NAV3: variants seen among roughly 807,000 people sequenced by gnomAD.
NAV3 encodes pore membrane and/or filament interacting like protein 1.
NAV3 carries 87 observed loss-of-function variants against 244.7 expected under a neutral mutation model. The ratio of observed to expected loss-of-function variants is 0.36; its 90% CI spans 0.30 to 0.42. NAV3 has a LOEUF of 0.42. Among genes scored for constraint, NAV3 ranks in the 20% least tolerant of loss-of-function variants. NAV3 has a pLI of 1.00. For synonymous variants in NAV3, 1,126 were observed against 1,042.2 expected (o/e 1.08, Z -1.55); for missense variants, 2,663 against 2,893.3 (o/e 0.92, Z 1.83).
intron 1 of NAV3, among the ~76,000 whole-genome samples, chr12:77,932,442 C>T (rs370044560): frequency 6.6e-6 from 1 of 152,144 alleles, no homozygotes; most frequent in Non-Finnish European, 1.5e-5. Flanking sequence ...GGTCCATCTT[C>T]CTTTACTACT....
At chr12:77,723,755 CTTTTTTTTT>C (rs34518266) in intron 2 of NAV3, among the ~76,000 whole-genome samples, 3 of 67,654 alleles carry the variant, frequency 4.4e-5, no homozygotes, top group Non-Finnish European at 7.8e-5. Context: ...GCAATCTTGA[CTTTTTTTTT>C]TTTTTTTTTT....
At chr12:78,174,684 G>C (rs900537818) in intron 24 of NAV3, among the ~76,000 whole-genome samples, 7 of 151,914 alleles carry the variant, frequency 4.6e-5, no homozygotes, top group African/African-American at 7.2e-5. Context: ...TATGTCCTCT[G>C]TTTAACTCAC....
At chr12:78,194,435 A>C (rs1293579641) in intron 34 of NAV3, among the ~76,000 whole-genome samples, 1 of 152,008 alleles carries the variant, frequency 6.6e-6, no homozygotes, top group African/African-American at 2.4e-5. Flanking sequence ...ATATCTTTTC[A>C]TAATTAAAAT....
intron 2 of NAV3, among the ~76,000 whole-genome samples, chr12:77,712,403 C>G (rs533713995): frequency 7.2e-5 from 11 of 152,104 alleles, no homozygotes; most frequent in Non-Finnish European, 7.4e-5. Flanking sequence ...CACATGGGCT[C>G]TCTCTATGGT....
intron 2 of NAV3, among the ~76,000 whole-genome samples, chr12:77,686,210 A>G (rs1362345622): frequency 6.6e-6 from 1 of 152,128 alleles, no homozygotes; most frequent in Non-Finnish European, 1.5e-5. Flanking sequence ...CTCCTGCCTC[A>G]GCCTCTTGAG....
At chr12:77,703,753 A>C (rs1292263805) in intron 2 of NAV3, among the ~76,000 whole-genome samples, 1 of 152,170 alleles carries the variant, frequency 6.6e-6, no homozygotes, top group East Asian at 1.9e-4. Flanking sequence ...CCACAAAATT[A>C]AATTCTGTGA....
chr12:77,899,252 G>A (rs1033405276), intron 1 of NAV3, among the ~76,000 whole-genome samples: 1 of 152,180 alleles, frequency 6.6e-6, no homozygotes, highest in African/African-American at 2.4e-5. Context: ...TGAAAGGATT[G>A]GGTCTAATTT....
intron 2 of NAV3, among the ~76,000 whole-genome samples, chr12:77,752,037 G>A (rs1179783269): frequency 1.3e-5 from 2 of 152,114 alleles, no homozygotes; most frequent in East Asian, 1.9e-4. Flanking sequence ...TAAAGAATGG[G>A]TGTCAGCTTC....
rs555444431 is a variant in NAV3 at position 77,672,448 on chromosome 12, G to A, written c.72+100182G>A. ...CTATATGAAAAGGATACTTGCACAC[G>A]CATGCTTACAGCAGCACAACTTGCA... On this transcript the variant is annotated intron_variant, in intron 2 of 8. Transcript: ENST00000550042. Among the ~76,000 whole-genome samples, 6 of 152,156 alleles carry A rather than the reference G, an allele frequency of 3.9e-5. No homozygotes were observed. The East Asian group carries it at 7.7e-4, about 20-fold the overall frequency.
chr12:77,809,258 C>G (rs961437623), intron 2 of NAV3, among the ~76,000 whole-genome samples: 2 of 152,216 alleles, frequency 1.3e-5, no homozygotes, highest in Admixed American at 6.5e-5. Context: ...TCTGCCCAAA[C>G]AGCCACCCAG....
At position 78,117,966 on chromosome 12, in the gene NAV3, C is replaced by T. The variant is rs2138558430; in HGVS notation, c.2770-61C>T. 2.8e-6 allele frequency: 4 copies of T among 1,436,138 alleles called. No individual in the cohort carries two copies. In the South Asian group the frequency reaches 6.3e-5, roughly 22 times the overall value. 89.0% of individuals were successfully genotyped at this position (1,436,138 alleles called of 1,614,324 possible). A position where few individuals can be genotyped will look rare whatever the true frequency, so the allele number is the denominator to read the frequency against. On this transcript the variant is annotated intron_variant, in intron 13 of 39. Transcript: ENST00000397909. ...GTTATCTGAAAGTACATTTCATTGC[C>T]TTAATTCATACTTTATAAATTTTTC...
intron 38 of NAV3, among the ~76,000 whole-genome samples, 171 bp from the exon 39 acceptor site, chr12:78,204,764 A>AT (rs2140083571): frequency 6.6e-6 from 1 of 152,300 alleles, no homozygotes; most frequent in Non-Finnish European, 1.5e-5. Flanking sequence ...AAAGTGAGCT[A>AT]TGTAGACAGA....
At chr12:77,943,988 T>A (rs1890102959) in intron 3 of NAV3, among the ~76,000 whole-genome samples, 1 of 152,212 alleles carries the variant, frequency 6.6e-6, no homozygotes, top group Non-Finnish European at 1.5e-5. Flanking sequence ...ATGTAATCAA[T>A]ATTTACTAAG....
At chr12:77,718,818 TA>T (rs1876482370) in intron 2 of NAV3, among the ~76,000 whole-genome samples, 1 of 151,842 alleles carries the variant, frequency 6.6e-6, no homozygotes, top group African/African-American at 2.4e-5. Context: ...CCACCATGCC[TA>T]AAAATTTTGT....
chr12:77,640,177 T>C (rs1316821734), intron 2 of NAV3, among the ~76,000 whole-genome samples: 7 of 152,136 alleles, frequency 4.6e-5, no homozygotes, highest in South Asian at 2.1e-4. Flanking sequence ...AAGATTGTAA[T>C]TGCAAAGTGT....
intron 5 of NAV3, among the ~76,000 whole-genome samples, chr12:77,972,186 G>A (rs1318554415): frequency 6.6e-6 from 1 of 152,032 alleles, no homozygotes; most frequent in Non-Finnish European, 1.5e-5. Flanking sequence ...GAGCTTGAGT[G>A]TGTGTGTGTG....
chr12:77,692,759 C>CT (rs1396871076), intron 2 of NAV3, among the ~76,000 whole-genome samples: 2 of 150,274 alleles, frequency 1.3e-5, no homozygotes, highest in Admixed American at 6.6e-5. Flanking sequence ...GCAAAAATAC[C>CT]TTTTTTAAAA....
At chr12:77,600,673 G>T (rs1039869573) in intron 2 of NAV3, among the ~76,000 whole-genome samples, 1 of 151,924 alleles carries the variant, frequency 6.6e-6, no homozygotes, top group Non-Finnish European at 1.5e-5. Context: ...GGAAAAGCAT[G>T]TGTTTTAGAT....
chr12:77,766,501 G>T (rs1869759105), intron 2 of NAV3, among the ~76,000 whole-genome samples: 2 of 152,078 alleles, frequency 1.3e-5, no homozygotes, highest in Admixed American at 6.6e-5. Flanking sequence ...GTCTAATGTG[G>T]ATAATGGCCA....
Sources: gnomAD v4.1 joint callset for allele counts (sites outside exome capture counted in the v4.1 genomes callset) on GRCh38, gnomAD v4.1.1 for gene constraint, MANE v1.5 for transcripts, NCBI Gene and HGNC (gene_info 2026-07-23, HGNC 2026-07-21) for gene names.